Variants in HERC2 observed in about 807,000 individuals in gnomAD.
HERC2 encodes E3 ubiquitin-protein ligase HERC2.
Under a neutral mutation model 537.7 loss-of-function variants are expected in HERC2, and 102 were observed. That is an observed-to-expected ratio of 0.19 (90% CI 0.16 to 0.22). The LOEUF (loss-of-function observed/expected upper bound fraction) is 0.22. Ranked by LOEUF, HERC2 falls within the 10% of genes least tolerant of loss-of-function variation. The pLI is 1.00. For synonymous variants in HERC2, 2,224 were observed against 2,466.2 expected (o/e 0.90, Z 2.91); for missense variants, 4,236 against 6,198.2 (o/e 0.68, Z 10.63).
chr15:28,190,432 A>G (rs1896752135), intron 55 of HERC2: 1 of 153,130 alleles, frequency 6.5e-6, no homozygotes, highest in African/African-American at 2.4e-5. Flanking sequence ...ATAATTGCTG[A>G]TCTGTAGTAT....
chr15:28,301,878 C>G (rs1004704403), intron 2 of HERC2, among the ~76,000 whole-genome samples: 3 of 147,564 alleles, frequency 2.0e-5, no homozygotes, highest in African/African-American at 7.5e-5. Flanking sequence ...CAGCTCACTG[C>G]AACCTTTGCC....
At chr15:28,238,858 G>A in intron 23 of HERC2, 86 bp from the exon 24 acceptor site, 3 of 976,732 alleles carry the variant, frequency 3.1e-6, no homozygotes, top group Non-Finnish European at 5.0e-6. Flanking sequence ...ACTACAAGCA[G>A]AAATAAACAA....
rs1438655070 is a variant in HERC2 at position 28,125,111 on chromosome 15, T to C, written c.12885A>G (p.Val4295=). The change falls in exon 84 of 93, where the codon GTA becomes GTG. Residue 4295 remains valine, a synonymous_variant. Transcript: ENST00000261609. ...TGACCTTCTTACCCTGAAGGGCAGC[T>C]ACCAACCGAGGCCTCTGGATGGCAT... ...TTNAIQRPRL[V]AALQGKKVNR... is the part of the protein sequence containing the mutation. 1 of 1,614,066 alleles carries C rather than the reference T, an allele frequency of 6.2e-7. No individual in the cohort carries two copies. The highest frequency in any genetic ancestry group is 1.3e-5 in the African/African-American group (1 of 74,952).
At position 28,113,379 on chromosome 15, in the gene HERC2, G is replaced by A. The variant is rs1417023955; in HGVS notation, c.14020-96C>T. The stretch of plus-strand genomic sequence containing the variant: ...TCCCTCTCTACACCAAGGCCTGTTT[G>A]GGGTGGGGAAAGGTCTGGGGGCTCT... On this transcript the variant is annotated intron_variant, in intron 91 of 92. Coordinates refer to ENST00000261609, the MANE Select transcript of HERC2 (RefSeq NM_004667.6). This position sits in a 1 kb window ranked among gnomAD's most constrained non-coding sequence, Gnocchi z 7.0. 1 of 1,358,430 alleles carries A rather than the reference G, an allele frequency of 7.4e-7. No homozygotes were observed. The highest frequency in any genetic ancestry group is 1.2e-5 in the South Asian group (1 of 80,160). The allele number at this position is 1,358,430 out of a possible 1,614,324, so 84.1% of individuals were successfully genotyped here.
At chr15:28,223,694 G>A (rs1900772692) in intron 35 of HERC2, among the ~76,000 whole-genome samples, 1 of 152,126 alleles carries the variant, frequency 6.6e-6, no homozygotes, top group Non-Finnish European at 1.5e-5. Flanking sequence ...ATGTTTTCTG[G>A]CTGTTACATG....
chr15:28,128,592 A>G (rs928353194), intron 83 of HERC2, among the ~76,000 whole-genome samples: 3 of 152,248 alleles, frequency 2.0e-5, no homozygotes, highest in African/African-American at 7.2e-5. Flanking sequence ...GCATGCTTAT[A>G]TAATTCACCA....
At chr15:28,310,891 C>G (rs1227457233) in intron 2 of HERC2, among the ~76,000 whole-genome samples, 1 of 151,842 alleles carries the variant, frequency 6.6e-6, no homozygotes, top group South Asian at 2.1e-4. Flanking sequence ...TCCCGGCTAA[C>G]ACAGCGAAAC....
intron 45 of HERC2, among the ~76,000 whole-genome samples, chr15:28,204,277 A>G (rs1898172448): frequency 6.6e-6 from 1 of 152,220 alleles, no homozygotes; most frequent in Non-Finnish European, 1.5e-5. Flanking sequence ...TAGAATTAGC[A>G]AACAAGAAAT....
At chr15:28,140,073 A>C (rs1320807234) in intron 78 of HERC2, among the ~76,000 whole-genome samples, 2 of 151,992 alleles carry the variant, frequency 1.3e-5, no homozygotes, top group African/African-American at 4.8e-5. Context: ...GTCTCAAAAA[A>C]AAAAAAGAAG....
At chr15:28,297,553 TA>T (rs573402569) in intron 3 of HERC2, among the ~76,000 whole-genome samples, 484 of 148,250 alleles carry the variant, frequency 3.3e-3, no homozygotes, top group African/African-American at 0.011. Context: ...TTATGTTGTT[TA>T]AAAAAAAAAA....
At chr15:28,257,726 C>G (rs1300285781) in intron 16 of HERC2, among the ~76,000 whole-genome samples, 1 of 151,478 alleles carries the variant, frequency 6.6e-6, no homozygotes, top group Admixed American at 6.6e-5. Flanking sequence ...TTTCACCCAA[C>G]AACAACAAAA....
intron 2 of HERC2, among the ~76,000 whole-genome samples, chr15:28,313,431 G>A (rs1365037893): frequency 3.9e-4 from 60 of 152,146 alleles, no homozygotes; most frequent in African/African-American, 1.3e-3. Flanking sequence ...CACCCGCCTC[G>A]GCCTGGGATT....
At chr15:28,284,919 G>GAAAAAAA (rs551327935) in intron 4 of HERC2, among the ~76,000 whole-genome samples, 5 of 32,524 alleles carry the variant, frequency 1.5e-4, no homozygotes, top group Non-Finnish European at 2.6e-4. Context: ...CTCCGTCTCG[G>GAAAAAAA]AAAAAAAAAA....
Position 28,191,001 on chromosome 15 carries a change from A to G in HERC2, c.8613T>C (p.Ser2871=). Residue 2871 remains serine, a synonymous_variant, in exon 55 of 93, where the codon TCT becomes TCC. Transcript: ENST00000261609. ...CATTCAGAAGGGGCACTGTGGTGTC[A>G]GAAGGGTTAATATTGATTGTCTTTA... ...IELKTININP[S]DTTVPLLNDC... is the part of the protein sequence containing the mutation. 6.2e-7 allele frequency: 1 copy of G among 1,612,910 alleles called. No individual in the cohort carries two copies. The highest frequency in any genetic ancestry group is 8.5e-7 in the Non-Finnish European group (1 of 1,178,884).
intron 2 of HERC2, among the ~76,000 whole-genome samples, chr15:28,316,923 C>T (rs535396899): frequency 5.3e-5 from 8 of 151,808 alleles, no homozygotes; most frequent in South Asian, 2.1e-4. Context: ...ACTACAGGCA[C>T]GTGCCACCAC....
chr15:28,280,911 C>CA (rs1010508144), intron 4 of HERC2, among the ~76,000 whole-genome samples: 17 of 143,374 alleles, frequency 1.2e-4, no homozygotes, highest in East Asian at 4.1e-4. Flanking sequence ...CTCTGTCTCC[C>CA]AAAAAAAAAA....
At chr15:28,261,985 AAG>A (rs80231418) in intron 15 of HERC2, among the ~76,000 whole-genome samples, 12,875 of 152,214 alleles carry the variant, frequency 0.085, 978 homozygotes, top group East Asian at 0.29. Context: ...TGCTTCTGTG[AAG>A]ACACTGGTGT....
intron 86 of HERC2, chr15:28,117,468 G>A (rs1219300723): frequency 4.7e-6 from 3 of 643,208 alleles, no homozygotes; most frequent in Non-Finnish European, 8.6e-6. Flanking sequence ...GCTGCGGCCC[G>A]GCAGCACCAC....
In HERC2 at chr15:28,176,116, GA is replaced by G. The variant is rs1895266964; in HGVS notation, c.9686+311del. Among the ~76,000 whole-genome samples the G allele has an allele frequency of 6.6e-6, 1 of 152,188 alleles. No homozygotes were observed. Among genetic ancestry groups the G allele is most frequent in the Non-Finnish European group, 1.5e-5 (1 of 68,026 alleles). On this transcript the variant is annotated intron_variant, in intron 63 of 92. Coordinates refer to ENST00000261609, the MANE Select transcript of HERC2 (RefSeq NM_004667.6). The surrounding 1 kb of genome is among the most constrained non-coding windows in gnomAD (Gnocchi z 5.0). The stretch of plus-strand genomic sequence containing the variant: ...AACTTTTTCAGGATCAAAGGATTCA[GA>G]AGGCTATTTTGCTCCATTTTATCCT...
Sources: allele counts gnomAD v4.1 joint callset (sites outside exome capture counted in the v4.1 genomes callset), GRCh38; gene constraint gnomAD v4.1.1; non-coding constraint Gnocchi (gnomAD v3.1); transcripts MANE v1.5; gene names NCBI Gene and HGNC (gene_info 2026-07-23, HGNC 2026-07-21).